The following GID8 variants were observed in gnomAD, a reference collection of about 807,000 sequenced individuals.
GID8 encodes GID complex subunit 8 homolog.
GID8 carries 6 observed loss-of-function variants against 27.4 expected under a neutral mutation model. The observed-to-expected ratio is 0.22, with a 90% CI of 0.12 to 0.43. The LOEUF (loss-of-function observed/expected upper bound fraction) is 0.43, where lower values mean the gene tolerates loss of function less well. GID8 is among the 20% of genes least tolerant of loss of function. GID8 has a pLI of 1.00. For missense variants in GID8, 173 were observed against 287.6 expected (o/e 0.60, Z 2.88); for synonymous variants, 112 against 109.0 (o/e 1.03, Z -0.17).
At position 62,944,699 on chromosome 20, in the gene GID8, G is replaced by A. The variant is rs545624659; in HGVS notation, c.514-40G>A. 4 of 1,374,950 alleles carry A rather than the reference G, an allele frequency of 2.9e-6. No individual in the cohort carries two copies. In the East Asian group the frequency reaches 9.1e-5, roughly 31 times the overall value. The allele number at this position is 1,374,950 out of a possible 1,614,324, so 85.2% of individuals were successfully genotyped here. ...TTTTAATAGACTCTGCTGGTGCTCT[G>A]CGTGTATGGTGGTTTTTATCAGATG... On this transcript the variant is annotated intron_variant, in intron 4 of 4. Transcript: ENST00000266069.
In GID8 at chr20:62,943,040, A is replaced by G; in HGVS notation, c.172A>G (p.Ser58Gly). ...KFRMESGIEP[S>G]VDLETLDERI... is the part of the protein sequence containing the mutation. ...TCGAATGGAATCTGGAATCGAACCT[A>G]GTGTGGATCTGGAAACACTTGATGA... Residue 58 changes from serine to glycine, a missense_variant, in exon 3 of 5, where the codon AGT becomes GGT. By Grantham distance (56) the Ser-to-Gly change is moderately conservative. Transcript: ENST00000266069. This position sits in a 1 kb window ranked among gnomAD's most constrained non-coding sequence, Gnocchi z 4.7. The G allele has an allele frequency of 1.9e-6, 3 of 1,614,026 alleles. No homozygotes were observed. Among genetic ancestry groups the G allele is most frequent in the East Asian group, 2.2e-5 (1 of 44,886 alleles).
chr20:62,944,675 T>C (rs2147633484), intron 4 of GID8, 64 bp from the exon 5 acceptor site: 1 of 1,168,646 alleles, frequency 8.6e-7, no homozygotes, highest in South Asian at 1.3e-5. Context: ...ACTGCCTCTT[T>C]TTAATAGACT....
chr20:62,945,575 A>G lies in GID8; in HGVS notation c.*663A>G. 2 of 1,143,588 alleles carry G rather than the reference A, an allele frequency of 1.7e-6. No homozygotes were observed. The highest frequency in any genetic ancestry group is 3.7e-5 in the South Asian group (2 of 54,466). The allele number at this position is 1,143,588 out of a possible 1,614,324, so 70.8% of individuals were successfully genotyped here. A position where few individuals can be genotyped will look rare whatever the true frequency, so the allele number is the denominator to read the frequency against. ...GTAAGAGACTTGTTCCTAGTGGATC[A>G]ATGAACCATCTCTTCTGGGCAGTTT... On this transcript the variant is annotated 3_prime_UTR_variant, in exon 5 of 5. Coordinates refer to ENST00000266069, the MANE Select transcript of GID8 (RefSeq NM_017896.3).
Position 62,944,957 on chromosome 20 carries a change from G to A in GID8, c.*45G>A. 6.4e-7 allele frequency: 1 copy of A among 1,567,854 alleles called. No homozygotes were observed. The highest frequency in any genetic ancestry group is 8.7e-7 in the Non-Finnish European group (1 of 1,155,150). On this transcript the variant is annotated 3_prime_UTR_variant, in exon 5 of 5. Coordinates refer to ENST00000266069, the MANE Select transcript of GID8 (RefSeq NM_017896.3). ...GATCCAACACCAGCCCTGCGTCGTG[G>A]GACTTGCCTCAGATCAGCCTGCGAC...
intron 4 of GID8, among the ~76,000 whole-genome samples, chr20:62,944,253 AG>A: frequency 6.6e-6 from 1 of 152,302 alleles, no homozygotes; most frequent in Non-Finnish European, 1.5e-5. Flanking sequence ...TTATGTCCCA[AG>A]TATTTCTCAT....
chr20:62,939,131 A>G (rs1280583060), intron 1 of GID8, among the ~76,000 whole-genome samples: 1 of 152,106 alleles, frequency 6.6e-6, no homozygotes, highest in Non-Finnish European at 1.5e-5. Flanking sequence ...AAAAAAAGAA[A>G]AAGAAAATGA....
Position 62,946,079 on chromosome 20 carries a change from T to G in GID8, c.*1167T>G. 2.5e-6 allele frequency: 3 copies of G among 1,218,246 alleles called. No individual in the cohort carries two copies. Among genetic ancestry groups the G allele is most frequent in the African/African-American group, 1.5e-5 (1 of 64,642 alleles). 75.5% of individuals were successfully genotyped at this position (1,218,246 alleles called of 1,614,324 possible). A position where few individuals can be genotyped will look rare whatever the true frequency, so the allele number is the denominator to read the frequency against. The stretch of plus-strand genomic sequence containing the variant: ...AGCTCTGGGCACAGATGTGTTTGGA[T>G]TCATTGCAGCGGACCACCGGGCACT... On this transcript the variant is annotated 3_prime_UTR_variant, in exon 5 of 5. Transcript: ENST00000266069.
At chr20:62,944,637 C>G (rs1428201864) in intron 4 of GID8, 102 bp from the exon 5 acceptor site, 1 of 795,616 alleles carries the variant, frequency 1.3e-6, no homozygotes, top group South Asian at 1.6e-5. Flanking sequence ...GAGAGTGTCT[C>G]GCAGTTAAGA....
At chr20:62,941,374 T>C (rs2065442890) in intron 1 of GID8, 117 bp from the exon 2 acceptor site, 6 of 643,286 alleles carry the variant, frequency 9.3e-6, no homozygotes, top group Non-Finnish European at 1.7e-5. Flanking sequence ...CACGGCAGCG[T>C]TGTCTTTCCG....
rs1435293406 is a variant in GID8, at chr20:62,947,661, G to T, written c.*2749G>T. The T allele has an allele frequency of 6.6e-6, 1 of 152,382 alleles. No homozygotes were observed. Among genetic ancestry groups the T allele is most frequent in the East Asian group, 1.9e-4 (1 of 5,200 alleles). 9.4% of individuals were successfully genotyped at this position (152,382 alleles called of 1,614,324 possible). A position where few individuals can be genotyped will look rare whatever the true frequency, so the allele number is the denominator to read the frequency against. ...AACACATCTTGCCATTTGAATCAGG[G>T]TCTCCAGTTTCTAGAAAAGGCAGAC... On this transcript the variant is annotated 3_prime_UTR_variant, in exon 5 of 5. Coordinates refer to ENST00000266069, the MANE Select transcript of GID8 (RefSeq NM_017896.3).
intron 4 of GID8, 133 bp from the exon 5 acceptor site, chr20:62,944,606 G>C (rs958030679): frequency 2.9e-6 from 2 of 682,202 alleles, no homozygotes; most frequent in Non-Finnish European, 5.2e-6. Context: ...CCCCAGGCAA[G>C]GACTATGTAT....
chr20:62,943,742 G>T lies in GID8; in HGVS notation c.513+50G>T. On this transcript the variant is annotated intron_variant, in intron 4 of 4. Coordinates refer to ENST00000266069, the MANE Select transcript of GID8 (RefSeq NM_017896.3). This position sits in a 1 kb window ranked among gnomAD's most constrained non-coding sequence, Gnocchi z 4.7. ...TCTTCCATTCCCCATGTGCTCTGAG[G>T]GGGCTTCGTGACAACGCCAAGTGTG... 1.4e-6 allele frequency: 2 copies of T among 1,440,270 alleles called. No homozygotes were observed. Among genetic ancestry groups the T allele is most frequent in the South Asian group, 1.2e-5 (1 of 86,142 alleles). 89.2% of individuals were successfully genotyped at this position (1,440,270 alleles called of 1,614,324 possible). A position where few individuals can be genotyped will look rare whatever the true frequency, so the allele number is the denominator to read the frequency against.
Position 62,938,156 on chromosome 20 carries a change from C to G in GID8, c.-110C>G. Reference sequence around the variant, plus strand: ...CGGCCCCCACCTCTGCCTCCTTCTACTCGGGCGCCCCGGCGGCCGCCACCT... The same window carrying G: ...CGGCCCCCACCTCTGCCTCCTTCTAGTCGGGCGCCCCGGCGGCCGCCACCT... On this transcript the variant is annotated 5_prime_UTR_variant, in exon 1 of 5. Coordinates refer to ENST00000266069, the MANE Select transcript of GID8 (RefSeq NM_017896.3). 3.6e-6 allele frequency: 1 copy of G among 276,570 alleles called. No individual in the cohort carries two copies. The highest frequency in any genetic ancestry group is 6.8e-6 in the Non-Finnish European group (1 of 147,870). 17.1% of individuals were successfully genotyped at this position (276,570 alleles called of 1,614,324 possible).
chr20:62,938,642 G>A (rs931303226), intron 1 of GID8: 16 of 152,276 alleles, frequency 1.1e-4, no homozygotes, highest in African/African-American at 3.6e-4. Context: ...TGGAAAGTAG[G>A]AGTCTTCAGC....
At position 62,947,030 on chromosome 20, in the gene GID8, C is replaced by T. The variant is rs59280738; in HGVS notation, c.*2118C>T. 1 of 152,250 alleles carries T rather than the reference C, an allele frequency of 6.6e-6. No homozygotes were observed. Among genetic ancestry groups the T allele is most frequent in the Non-Finnish European group, 1.5e-5 (1 of 68,054 alleles). The allele number at this position is 152,250 out of a possible 1,614,324, so 9.4% of individuals were successfully genotyped here. A position where few individuals can be genotyped will look rare whatever the true frequency, so the allele number is the denominator to read the frequency against. The stretch of plus-strand genomic sequence containing the variant: ...AAATGGGGTCATTCACGTGCCTGGA[C>T]TGTCACTATGTGGCTGTCACGTGAA... On this transcript the variant is annotated 3_prime_UTR_variant, in exon 5 of 5. Coordinates refer to ENST00000266069, the MANE Select transcript of GID8 (RefSeq NM_017896.3).
chr20:62,944,262 C>T (rs1487814899), intron 4 of GID8, among the ~76,000 whole-genome samples: 1 of 152,194 alleles, frequency 6.6e-6, no homozygotes, highest in Non-Finnish European at 1.5e-5. Context: ...AAGTATTTCT[C>T]ATTTAAAATC....
chr20:62,944,357 C>A (rs2065456477), intron 4 of GID8, among the ~76,000 whole-genome samples: 1 of 152,138 alleles, frequency 6.6e-6, no homozygotes, highest in South Asian at 2.1e-4. Flanking sequence ...GACCCAGGTC[C>A]CTCTTCCCCC....
At position 62,941,525 on chromosome 20, in the gene GID8, A is replaced by C. The variant is rs953370389; in HGVS notation, c.23A>C (p.Asp8Ala). Residue 8 changes from aspartate to alanine, a missense_variant, in exon 2 of 5, where the codon GAT becomes GCT. Physicochemically the swap from Asp to Ala is moderately radical, Grantham distance 126. Transcript: ENST00000266069. MSYAEKPDEITKDEWMEK... is the reference protein window; with the variant it reads MSYAEKPAEITKDEWMEK... ...AGAATGAGTTATGCAGAAAAACCCG[A>C]TGAAATCACGAAAGATGAGTGGATG... 1 of 1,611,166 alleles carries C rather than the reference A, an allele frequency of 6.2e-7. No individual in the cohort carries two copies. The highest frequency in any genetic ancestry group is 1.3e-5 in the African/African-American group (1 of 74,866).
chr20:62,941,423 C>T, intron 1 of GID8, 68 bp from the exon 2 acceptor site: 1 of 848,204 alleles, frequency 1.2e-6, no homozygotes, highest in Non-Finnish European at 2.0e-6. Context: ...CACAGCTCTT[C>T]CAGCGCTGCC....
Sources: gnomAD v4.1 joint callset for allele counts (sites outside exome capture counted in the v4.1 genomes callset) on GRCh38, gnomAD v4.1.1 for gene constraint, Gnocchi (gnomAD v3.1) non-coding constraint, MANE v1.5 for transcripts, NCBI Gene and HGNC (gene_info 2026-07-23, HGNC 2026-07-21) for gene names.